ADCY2: variants seen among roughly 807,000 people sequenced by gnomAD.
The protein encoded by ADCY2 is adenylate cyclase 2.
Under a neutral mutation model 125.2 loss-of-function variants are expected in ADCY2, and 31 were observed. The ratio of observed to expected loss-of-function variants is 0.25; its 90% CI spans 0.19 to 0.33. ADCY2 has a LOEUF of 0.33. ADCY2 is among the 10% of genes least tolerant of loss of function. The probability of loss-of-function intolerance (pLI) is 1.00; values close to 1 mark genes in which losing one functional copy is unlikely to be tolerated. For missense variants in ADCY2, 904 were observed against 1,418.2 expected, an observed-to-expected ratio of 0.64 and a Z score of 5.82; for synonymous variants, 512 against 548.4, an observed-to-expected ratio of 0.93 and a Z score of 0.93.
chr5:7,498,470 G>T (rs546446123), intron 2 of ADCY2, among the ~76,000 whole-genome samples: 1 of 151,816 alleles, frequency 6.6e-6, no homozygotes, highest in South Asian at 2.1e-4. Flanking sequence ...GGATGGTCTC[G>T]ATCTCCTGAC....
At position 7,516,871 on chromosome 5, in the gene ADCY2, GCAGA is replaced by G. The variant is rs577312107; in HGVS notation, c.409-3858_409-3855del. On this transcript the variant is annotated intron_variant, in intron 2 of 24. Transcript: ENST00000338316. ...CTCAGTGAGGTCAGGATGGAGAGAA[GCAGA>G]CAGACAGAGACAACCCACTGGTCTG... Among the ~76,000 whole-genome samples, 334 of 152,204 alleles carry G rather than the reference GCAGA, an allele frequency of 2.2e-3. 1 individual carries two copies. The highest frequency in any genetic ancestry group is 7.3e-3 in the African/African-American group (305 of 41,528).
At chr5:7,494,559 A>G (rs1179453731) in intron 2 of ADCY2, among the ~76,000 whole-genome samples, 1 of 151,966 alleles carries the variant, frequency 6.6e-6, no homozygotes, top group Non-Finnish European at 1.5e-5. Context: ...TCCTTAACCC[A>G]TCCTAGTGAG....
intron 2 of ADCY2, among the ~76,000 whole-genome samples, chr5:7,501,651 C>CCA (rs1554014554): frequency 1.0e-5 from 1 of 100,364 alleles, no homozygotes; most frequent in African/African-American, 3.5e-5. Flanking sequence ...CCCCCTCCCC[C>CCA]CCCCCCCGCC....
Position 7,624,162 on chromosome 5 carries a change from A to G in ADCY2, c.571-2005A>G, listed in dbSNP as rs187735883. 4.2e-3 allele frequency among the ~76,000 whole-genome samples: 645 copies of G among 152,232 alleles called. 3 individuals carry two copies. The highest frequency in any genetic ancestry group is 0.015 in the African/African-American group (610 of 41,530). On this transcript the variant is annotated intron_variant, in intron 3 of 24. Coordinates refer to ENST00000338316, the MANE Select transcript of ADCY2 (RefSeq NM_020546.3). ...TCGTCACATCATTCTTTTAATTTCT[A>G]ACTCTGTCCTCTTTTTTCTCTGTAT...
chr5:7,787,071 C>T (rs909386532), intron 19 of ADCY2, among the ~76,000 whole-genome samples: 5 of 152,184 alleles, frequency 3.3e-5, no homozygotes, highest in Non-Finnish European at 5.9e-5. Flanking sequence ...AATTCGGTGT[C>T]TCTTCATGGG....
intron 4 of ADCY2, among the ~76,000 whole-genome samples, chr5:7,673,477 A>G (rs915072276): frequency 6.6e-6 from 1 of 151,656 alleles, no homozygotes; most frequent in African/African-American, 2.4e-5. Flanking sequence ...TACAATGTGC[A>G]CGAAACCTGA....
At chr5:7,618,007 A>G (rs529677112) in intron 3 of ADCY2, among the ~76,000 whole-genome samples, 2 of 152,350 alleles carry the variant, frequency 1.3e-5, no homozygotes, top group South Asian at 4.1e-4. Flanking sequence ...GTCACACCAA[A>G]AAGGACATTC....
intron 3 of ADCY2, among the ~76,000 whole-genome samples, chr5:7,533,253 C>T (rs1734709063): frequency 6.6e-6 from 1 of 151,616 alleles, no homozygotes; most frequent in Admixed American, 6.6e-5. Context: ...CTCTTTCATT[C>T]AAGGTTTAAA....
chr5:7,712,968 TC>T, intron 11 of ADCY2, 69 bp downstream of exon 11: 1 of 1,200,890 alleles, frequency 8.3e-7, no homozygotes, highest in Non-Finnish European at 1.2e-6. Context: ...GTAATTATCA[TC>T]AATTATGGTA....
chr5:7,539,782 T>A lies in ADCY2; in HGVS notation c.570+18883T>A, dbSNP rs1327195184. On this transcript the variant is annotated intron_variant, in intron 3 of 24. Transcript: ENST00000338316. ...CAGCTAAGGACAGCACGTCAGCAAATGGTGTGACTGTTGGCCAACAAAACT... is the reference window on the plus strand; with the variant it reads ...CAGCTAAGGACAGCACGTCAGCAAAAGGTGTGACTGTTGGCCAACAAAACT... Among the ~76,000 whole-genome samples the A allele has an allele frequency of 2.0e-5, 3 of 152,254 alleles. No homozygotes were observed. In the East Asian group the frequency reaches 5.8e-4, roughly 29 times the overall value.
Position 7,755,165 on chromosome 5 carries a change from C to T in ADCY2, c.1957-2284C>T, listed in dbSNP as rs757354964. On this transcript the variant is annotated intron_variant, in intron 15 of 24. Transcript: ENST00000338316. ...TCTTCTGTTGCCGGTGATCAGATGTCCTGCAGAGCTGGGCCGAGGGCGCCC... is the reference window on the plus strand; with the variant it reads ...TCTTCTGTTGCCGGTGATCAGATGTTCTGCAGAGCTGGGCCGAGGGCGCCC... Among the ~76,000 whole-genome samples the T allele has an allele frequency of 5.3e-5, 8 of 152,264 alleles. No homozygotes were observed. The Middle Eastern group carries it at 0.01, about 194-fold the overall frequency.
At chr5:7,666,324 A>T (rs1218867985) in intron 4 of ADCY2, among the ~76,000 whole-genome samples, 1 of 151,830 alleles carries the variant, frequency 6.6e-6, no homozygotes, top group Admixed American at 6.6e-5. Context: ...GCTGGAGTGC[A>T]GTGGCGCGAT....
chr5:7,626,093 T>C, intron 3 of ADCY2, 74 bp from the exon 4 acceptor site: 1 of 1,494,808 alleles, frequency 6.7e-7, no homozygotes, highest in Non-Finnish European at 9.1e-7. Context: ...CTGTTGCTAA[T>C]GTGCACTTTG....
intron 20 of ADCY2, among the ~76,000 whole-genome samples, chr5:7,792,980 A>AG: frequency 6.6e-6 from 1 of 152,266 alleles, no homozygotes; most frequent in Non-Finnish European, 1.5e-5. Flanking sequence ...TACGCATGAG[A>AG]GGGAAGACAG....
rs2059858 is a variant in ADCY2, at chr5:7,675,948, T to C, written c.721-14743T>C. The stretch of plus-strand genomic sequence containing the variant: ...TGTATAGTTTTCCCGATAAAGAACA[T>C]TTAGCTACAGGAGAACATTTGTGAA... On this transcript the variant is annotated intron_variant, in intron 4 of 24. Transcript: ENST00000338316. Among the ~76,000 whole-genome samples the C allele has an allele frequency of 2.8e-3, 426 of 152,342 alleles. 4 individuals carry two copies. In the East Asian group the frequency reaches 0.028, roughly 10 times the overall value.
intron 2 of ADCY2, among the ~76,000 whole-genome samples, chr5:7,468,918 C>T (rs1742228880): frequency 6.6e-6 from 1 of 152,108 alleles, no homozygotes; most frequent in South Asian, 2.1e-4. Flanking sequence ...TTTTCAACAG[C>T]CTTGTAAATT....
At chr5:7,432,274 T>C (rs1490784) in intron 2 of ADCY2, among the ~76,000 whole-genome samples, 122,325 of 151,870 alleles carry the variant, frequency 0.81, 49,803 homozygotes, top group African/African-American at 0.88. Context: ...TTTGTGGGAC[T>C]TCTTTCCTCC....
chr5:7,805,394 T>G (rs975886520), intron 22 of ADCY2, among the ~76,000 whole-genome samples: 3 of 152,026 alleles, frequency 2.0e-5, no homozygotes, highest in African/African-American at 7.2e-5. Context: ...AAAAGGTCAT[T>G]TGGGCAAAAT....
chr5:7,437,919 C>G (rs1740867248), intron 2 of ADCY2, among the ~76,000 whole-genome samples: 1 of 152,176 alleles, frequency 6.6e-6, no homozygotes, highest in African/African-American at 2.4e-5. Context: ...TTCCTTTGTT[C>G]TTCTGACCCT....
Sources: gnomAD v4.1 joint callset for allele counts (sites outside exome capture counted in the v4.1 genomes callset) on GRCh38, gnomAD v4.1.1 for gene constraint, MANE v1.5 for transcripts, NCBI Gene and HGNC (gene_info 2026-07-23, HGNC 2026-07-21) for gene names.